The following FOXP2 variants were observed in gnomAD, a reference collection of about 807,000 sequenced individuals.
The protein encoded by FOXP2 is forkhead box protein P2.
FOXP2 carries 12 observed loss-of-function variants against 115.8 expected under a neutral mutation model. That is an observed-to-expected ratio of 0.10 (90% CI 0.07 to 0.17). The LOEUF (loss-of-function observed/expected upper bound fraction) is 0.17, where lower values mean the gene tolerates loss of function less well. Ranked by LOEUF, FOXP2 falls within the 10% of genes least tolerant of loss-of-function variation. The probability of loss-of-function intolerance (pLI) is 1.00; values close to 1 mark genes in which losing one functional copy is unlikely to be tolerated. For synonymous variants in FOXP2, 328 were observed against 297.7 expected, an observed-to-expected ratio of 1.10 and a Z score of -1.05; for missense variants, 629 against 843.5, an observed-to-expected ratio of 0.75 and a Z score of 3.15.
At chr7:114,369,010 G>C (rs983514682) in intron 2 of FOXP2, among the ~76,000 whole-genome samples, 6 of 152,184 alleles carry the variant, frequency 3.9e-5, no homozygotes, top group Non-Finnish European at 4.4e-5. Context: ...CGAAGTTGGA[G>C]GATCGAGCCA....
intron 2 of FOXP2, among the ~76,000 whole-genome samples, chr7:114,532,970 G>T (rs998157913): frequency 1.3e-5 from 2 of 151,902 alleles, no homozygotes; most frequent in Non-Finnish European, 2.9e-5. Context: ...TTCAAATAGT[G>T]AGCCTTGTGA....
At chr7:114,574,969 C>T (rs1246148957) in intron 3 of FOXP2, among the ~76,000 whole-genome samples, 1 of 151,992 alleles carries the variant, frequency 6.6e-6, no homozygotes, top group Non-Finnish European at 1.5e-5. Context: ...TGTTTATCTC[C>T]TGAATGGTTC....
At chr7:114,528,800 T>C (rs1416357659) in intron 2 of FOXP2, among the ~76,000 whole-genome samples, 2 of 150,694 alleles carry the variant, frequency 1.3e-5, no homozygotes, top group African/African-American at 2.4e-5. Flanking sequence ...CTAAGGTATG[T>C]GTAAAACAAA....
At chr7:114,300,306 G>C (rs1796848968) in intron 2 of FOXP2, among the ~76,000 whole-genome samples, 1 of 152,026 alleles carries the variant, frequency 6.6e-6, no homozygotes, top group Non-Finnish European at 1.5e-5. Flanking sequence ...ATAATATTTA[G>C]ATAAATGAAT....
chr7:114,166,442 G>A (rs112041938), intron 1 of FOXP2, among the ~76,000 whole-genome samples: 12 of 152,104 alleles, frequency 7.9e-5, no homozygotes, highest in South Asian at 2.1e-4. Context: ...GGTGGCTCAC[G>A]CCTGTAATCC....
intron 1 of FOXP2, among the ~76,000 whole-genome samples, chr7:114,107,365 TATA>T (rs1405501243): frequency 1.3e-5 from 2 of 152,146 alleles, no homozygotes; most frequent in Middle Eastern, 3.4e-3. Context: ...GCTGTGGTGC[TATA>T]ATAATACACT....
chr7:114,490,753 G>T (rs1382348178), intron 2 of FOXP2, among the ~76,000 whole-genome samples: 1 of 152,046 alleles, frequency 6.6e-6, no homozygotes, highest in Non-Finnish European at 1.5e-5. Flanking sequence ...AGAATATGCG[G>T]TGTTTGGTTT....
intron 3 of FOXP2, among the ~76,000 whole-genome samples, chr7:114,626,032 G>A (rs1013145893): frequency 5.9e-5 from 9 of 151,622 alleles, no homozygotes; most frequent in Non-Finnish European, 1.2e-4. Flanking sequence ...TTCCTAGAAG[G>A]TAGGCCAGAA....
intron 3 of FOXP2, among the ~76,000 whole-genome samples, chr7:114,569,069 C>T (rs1801162893): frequency 6.6e-6 from 1 of 151,822 alleles, no homozygotes; most frequent in Non-Finnish European, 1.5e-5. Context: ...GTTATTGTGA[C>T]AATCACTTAT....
intron 2 of FOXP2, among the ~76,000 whole-genome samples, chr7:114,380,964 A>T (rs1164633570): frequency 6.6e-6 from 1 of 152,180 alleles, no homozygotes; most frequent in African/African-American, 2.4e-5. Flanking sequence ...GTCTTGCCCC[A>T]TTGGCAAGCT....
chr7:114,273,199 G>T (rs533339713), intron 1 of FOXP2, among the ~76,000 whole-genome samples: 2 of 152,042 alleles, frequency 1.3e-5, no homozygotes, highest in East Asian at 3.9e-4. Flanking sequence ...TCATTGACCT[G>T]TGTGTTACTT....
chr7:114,457,661 G>A (rs964988590), intron 2 of FOXP2, among the ~76,000 whole-genome samples: 1 of 152,116 alleles, frequency 6.6e-6, no homozygotes, highest in African/African-American at 2.4e-5. Context: ...CACTTTCGGA[G>A]GCCAAGGCGG....
chr7:114,139,325 T>C (rs1328033659), intron 1 of FOXP2, among the ~76,000 whole-genome samples: 1 of 152,176 alleles, frequency 6.6e-6, no homozygotes, highest in African/African-American at 2.4e-5. Context: ...CAGAGAATAG[T>C]TGTTTTCGGG....
rs1390072178 is a variant in FOXP2, at chr7:114,692,614, C to T, written c.*2688C>T. ...AATCTGCTTTTCTGCATCTGCTTTG[C>T]GTAGCTATTGTAAGGCTTTGAACTA... On this transcript the variant is annotated 3_prime_UTR_variant, in exon 17 of 17. Transcript: ENST00000350908. 6 of 451,142 alleles carry T rather than the reference C, an allele frequency of 1.3e-5. No individual in the cohort carries two copies. The highest frequency in any genetic ancestry group is 3.1e-5 in the South Asian group (2 of 63,524). The allele number at this position is 451,142 out of a possible 1,614,324, so 27.9% of individuals were successfully genotyped here. A position where few individuals can be genotyped will look rare whatever the true frequency, so the allele number is the denominator to read the frequency against.
chr7:114,414,524 A>T (rs1259652196), upstream of FOXP2: 3 of 153,112 alleles, frequency 2.0e-5, no homozygotes, highest in Non-Finnish European at 4.4e-5. Flanking sequence ...GAAGCTGGAG[A>T]ACTGTGATTT....
chr7:114,347,609 A>G lies in FOXP2; in HGVS notation c.-11+59500A>G, dbSNP rs191698807. On this transcript the variant is annotated intron_variant, in intron 2 of 17. Coordinates refer to the FOXP2 transcript ENST00000634411. ...AATAATAGATATCTATCATTGGAAA[A>G]TATCTGACAAACTTATAGATGAGTA... 1.8e-3 allele frequency among the ~76,000 whole-genome samples: 269 copies of G among 152,162 alleles called. 2 individuals are homozygous for G. The highest frequency in any genetic ancestry group is 1.8e-3 in the Non-Finnish European group (125 of 67,956).
In FOXP2 at chr7:114,539,788, T is replaced by C. The variant is rs554011507; in HGVS notation, c.258+5082T>C. Among the ~76,000 whole-genome samples the C allele has an allele frequency of 2.0e-5, 3 of 152,146 alleles. No individual in the cohort carries two copies. In the East Asian group the frequency reaches 5.8e-4, roughly 29 times the overall value. ...AGGAGGGTCTGGGACATTGAGCTCA[T>C]TACTACTAAGCATGCTTGTGTGGAA... On this transcript the variant is annotated intron_variant, in intron 3 of 16. Transcript: ENST00000350908.
intron 1 of FOXP2, among the ~76,000 whole-genome samples, chr7:114,154,516 TTAGTTTTA>T (rs2129149318): frequency 6.6e-6 from 1 of 152,236 alleles, no homozygotes; most frequent in East Asian, 1.9e-4. Context: ...TGGAAGATTA[TTAGTTTTA>T]TAGTTTTGAT....
At chr7:114,199,903 T>C (rs993714379) in intron 1 of FOXP2, among the ~76,000 whole-genome samples, 1 of 152,340 alleles carries the variant, frequency 6.6e-6, no homozygotes, top group East Asian at 1.9e-4. Flanking sequence ...AAAGGTAAAT[T>C]TGATATGCTA....
Sources: gnomAD v4.1 joint callset for allele counts (sites outside exome capture counted in the v4.1 genomes callset) on GRCh38, gnomAD v4.1.1 for gene constraint, MANE v1.5 for transcripts, NCBI Gene and HGNC (gene_info 2026-07-23, HGNC 2026-07-21) for gene names.